Variants in FHIT observed in about 807,000 individuals in gnomAD.
The protein encoded by FHIT is bis(5'-adenosyl)-triphosphatase.
Under a neutral mutation model 17.9 loss-of-function variants are expected in FHIT, and 19 were observed. That is an observed-to-expected ratio of 1.06 (90% CI 0.74 to 1.56). The LOEUF (loss-of-function observed/expected upper bound fraction) is 1.56. Among genes scored for constraint, FHIT ranks in the 40% most tolerant of loss-of-function variants. The pLI is 0.00. For synonymous variants in FHIT, 81 were observed against 69.7 expected (o/e 1.16, Z -0.81); for missense variants, 248 against 189.2 (o/e 1.31, Z -1.82).
At chr3:60,691,398 G>C (rs1178065974) in intron 4 of FHIT, among the ~76,000 whole-genome samples, 1 of 149,922 alleles carries the variant, frequency 6.7e-6, no homozygotes, top group African/African-American at 2.5e-5. Flanking sequence ...CTTGAGACAG[G>C]GTCTCTGTCA....
chr3:61,028,262 A>G (rs2032835921), intron 3 of FHIT, among the ~76,000 whole-genome samples: 1 of 152,214 alleles, frequency 6.6e-6, no homozygotes, highest in South Asian at 2.1e-4. Context: ...GCTTTCTACA[A>G]TTCACAAAAA....
chr3:60,673,124 C>T (rs1559630191), intron 4 of FHIT, among the ~76,000 whole-genome samples: 1 of 152,048 alleles, frequency 6.6e-6, no homozygotes. Flanking sequence ...AAGAGCTTAA[C>T]AGAAAATAAA....
chr3:60,836,699 C>G (rs919423872), intron 3 of FHIT, among the ~76,000 whole-genome samples: 8 of 152,054 alleles, frequency 5.3e-5, no homozygotes, highest in Admixed American at 4.6e-4. Flanking sequence ...AGAGTGAGGT[C>G]TAGTAGAAAG....
At chr3:60,413,908 T>C (rs899703239) in intron 5 of FHIT, among the ~76,000 whole-genome samples, 34 of 152,192 alleles carry the variant, frequency 2.2e-4, no homozygotes, top group Admixed American at 1.8e-3. Flanking sequence ...AGGGGATATA[T>C]TGGTGAATAA....
chr3:60,021,003 T>C (rs1700533769), intron 5 of FHIT, among the ~76,000 whole-genome samples: 1 of 152,212 alleles, frequency 6.6e-6, no homozygotes, highest in South Asian at 2.1e-4. Context: ...CATACTCATT[T>C]CAGTAACTCA....
chr3:60,720,081 C>G (rs550070102), intron 4 of FHIT, among the ~76,000 whole-genome samples: 2 of 152,166 alleles, frequency 1.3e-5, no homozygotes, highest in Non-Finnish European at 2.9e-5. Flanking sequence ...GGGGTCGCTT[C>G]CCACCTCTAT....
chr3:60,925,415 TAAAGA>T (rs1707538346), intron 3 of FHIT, among the ~76,000 whole-genome samples: 1 of 152,124 alleles, frequency 6.6e-6, no homozygotes, highest in African/African-American at 2.4e-5. Context: ...TCAACATTCT[TAAAGA>T]AAAGAATTTT....
chr3:59,839,585 T>C (rs1404767955), intron 8 of FHIT, among the ~76,000 whole-genome samples: 1 of 152,126 alleles, frequency 6.6e-6, no homozygotes, highest in Non-Finnish European at 1.5e-5. Context: ...ATCACACTTT[T>C]ATAAGGTTAA....
chr3:60,535,258 C>T (rs979287246), intron 5 of FHIT, among the ~76,000 whole-genome samples: 2 of 152,136 alleles, frequency 1.3e-5, no homozygotes, highest in Non-Finnish European at 2.9e-5. Flanking sequence ...TGGTACATCT[C>T]TGTGACCTCT....
At chr3:61,056,195 G>A (rs1348457707) in intron 2 of FHIT, among the ~76,000 whole-genome samples, 1 of 152,192 alleles carries the variant, frequency 6.6e-6, no homozygotes, top group African/African-American at 2.4e-5. Flanking sequence ...GCAGAGGCGG[G>A]AGGATAGCTT....
At position 60,309,010 on chromosome 3, in the gene FHIT, C is replaced by T. The variant is rs544930350; in HGVS notation, c.103+227850G>A. ...GAAAATGGAGTTTTTAAGATATCCA[C>T]TTTCTAGGCTGCTTGGAGCCTTAGT... On this transcript the variant is annotated intron_variant, in intron 5 of 9. Transcript: ENST00000492590. 9.2e-4 allele frequency among the ~76,000 whole-genome samples: 140 copies of T among 152,252 alleles called. 1 individual carries two copies. The highest frequency in any genetic ancestry group is 3.1e-3 in the African/African-American group (130 of 41,550).
At chr3:59,945,013 G>A (rs1580457) in intron 7 of FHIT, among the ~76,000 whole-genome samples, 121,201 of 152,122 alleles carry the variant, frequency 0.8, 48,702 homozygotes, top group East Asian at 0.94. Context: ...TTTATGGTAG[G>A]ATGATTTATT....
chr3:60,483,247 G>T (rs987120456), intron 5 of FHIT, among the ~76,000 whole-genome samples: 1 of 152,176 alleles, frequency 6.6e-6, no homozygotes, highest in African/African-American at 2.4e-5. Context: ...TTCTACCAGA[G>T]GTACAAAGAG....
At chr3:60,213,808 A>T (rs1703568633) in intron 5 of FHIT, among the ~76,000 whole-genome samples, 1 of 152,202 alleles carries the variant, frequency 6.6e-6, no homozygotes, top group Admixed American at 6.5e-5. Flanking sequence ...GCAGATGAAA[A>T]CTATTCAGAG....
At chr3:60,806,921 T>A (rs1701413528) in intron 4 of FHIT, among the ~76,000 whole-genome samples, 1 of 152,198 alleles carries the variant, frequency 6.6e-6, no homozygotes, top group Non-Finnish European at 1.5e-5. Flanking sequence ...ATATCATCCT[T>A]CATTTTTAAT....
chr3:60,638,997 T>C (rs2039658998), intron 4 of FHIT, among the ~76,000 whole-genome samples: 1 of 141,258 alleles, frequency 7.1e-6, no homozygotes, highest in Non-Finnish European at 1.5e-5. Context: ...TTGTGATAGA[T>C]GCATAAATTA....
At chr3:60,224,884 C>T (rs1302196169) in intron 5 of FHIT, among the ~76,000 whole-genome samples, 2 of 151,888 alleles carry the variant, frequency 1.3e-5, no homozygotes, top group Non-Finnish European at 2.9e-5. Context: ...CCATGCCTGG[C>T]TAATTTTTGT....
rs947443177 is a variant in FHIT at position 60,164,464 on chromosome 3, C to T, written c.104-150312G>A. On this transcript the variant is annotated intron_variant, in intron 5 of 9. Coordinates refer to ENST00000492590, the MANE Select transcript of FHIT (RefSeq NM_002012.4). Reference sequence around the variant, plus strand: ...GCCCAGCTGCACCATCCCACGTTTCCGTGATGGATATTAGAAAATAATGTA... The same window carrying T: ...GCCCAGCTGCACCATCCCACGTTTCTGTGATGGATATTAGAAAATAATGTA... Among the ~76,000 whole-genome samples the T allele has an allele frequency of 2.6e-5, 4 of 152,298 alleles. No individual in the cohort carries two copies. The East Asian group carries it at 5.8e-4, about 22-fold the overall frequency.
intron 4 of FHIT, among the ~76,000 whole-genome samples, chr3:60,697,501 C>T (rs536678286): frequency 2.0e-5 from 3 of 152,258 alleles, no homozygotes; most frequent in African/African-American, 7.2e-5. Context: ...ACATGAGACA[C>T]ACTTATACTC....
Sources: allele counts gnomAD v4.1 joint callset (sites outside exome capture counted in the v4.1 genomes callset), GRCh38; gene constraint gnomAD v4.1.1; transcripts MANE v1.5; gene names NCBI Gene and HGNC (gene_info 2026-07-23, HGNC 2026-07-21).